CEACAM3: variants seen among roughly 807,000 people sequenced by gnomAD.
CEACAM3 encodes the protein cell adhesion molecule CEACAM3.
In CEACAM3, 32 loss-of-function variants were observed where a neutral mutation model predicts 30.1. That is an observed-to-expected ratio of 1.06 (90% confidence interval 0.80 to 1.43). The LOEUF (loss-of-function observed/expected upper bound fraction) is 1.43, where lower values mean the gene tolerates loss of function less well. Among genes scored for constraint, CEACAM3 ranks in the 40% most tolerant of loss-of-function variants. The probability of loss-of-function intolerance (pLI) is 0.00; values close to 1 mark genes in which losing one functional copy is unlikely to be tolerated. For synonymous variants in CEACAM3, 134 were observed against 127.2 expected, an observed-to-expected ratio of 1.05 and a Z score of -0.36; for missense variants, 290 against 316.3, an observed-to-expected ratio of 0.92 and a Z score of 0.63.
rs782090300 is a variant in CEACAM3 at position 41,809,809 on chromosome 19, T to G, written c.543-156T>G. The G allele has an allele frequency of 3.1e-5, 22 of 712,800 alleles. No individual in the cohort carries two copies. The Admixed American group carries it at 4.2e-4, about 13-fold the overall frequency. 44.2% of individuals were successfully genotyped at this position (712,800 alleles called of 1,614,324 possible). On this transcript the variant is annotated intron_variant, in intron 3 of 6. Coordinates refer to ENST00000357396, the MANE Select transcript of CEACAM3 (RefSeq NM_001815.5). ...TGGGTTCCTAAAGCCTTTCCTCAAC[T>G]CCCCTCTGCTGGGCTCCCCCTAACA...
chr19:41,809,673 C>T (rs765909469), intron 3 of CEACAM3: 10 of 327,332 alleles, frequency 3.1e-5, no homozygotes, highest in Non-Finnish European at 4.6e-5. Context: ...GGCAAACCCT[C>T]GTGGTCTGTT....
In CEACAM3 at chr19:41,797,575, T is replaced by C. The variant is rs1555825354; in HGVS notation, c.65-14T>C. On this transcript the variant is annotated splice_polypyrimidine_tract_variant and intron_variant, in intron 1 of 6. Coordinates refer to ENST00000357396, the MANE Select transcript of CEACAM3 (RefSeq NM_001815.5). Reference sequence around the variant, plus strand: ...CATGGGTCCCAATATTGACTGATGCTTTCTCCCTCCTAGCCTCACTTCTAA... The same window carrying C: ...CATGGGTCCCAATATTGACTGATGCCTTCTCCCTCCTAGCCTCACTTCTAA... The C allele has an allele frequency of 6.2e-7, 1 of 1,607,026 alleles. No homozygotes were observed. Among genetic ancestry groups the C allele is most frequent in the East Asian group, 2.2e-5 (1 of 44,842 alleles).
Position 41,800,513 on chromosome 19 carries a change from C to G in CEACAM3, c.424+2565C>G, listed in dbSNP as rs568045545. Among the ~76,000 whole-genome samples the G allele has an allele frequency of 1.8e-4, 28 of 152,308 alleles. No individual in the cohort carries two copies. The South Asian group carries it at 5.8e-3, about 32-fold the overall frequency. On this transcript the variant is annotated intron_variant, in intron 2 of 6. Transcript: ENST00000357396. ...AGGTCCACTCGCAGTTATCCGGAGG[C>G]CTAACCGTCTCCCTATGATGCTGTG...
At position 41,796,694 on chromosome 19, in the gene CEACAM3, C is replaced by G. The variant is rs782436703; in HGVS notation, c.17C>G (p.Ala6Gly). ...GCAGAGACCATGGGGCCCCCCTCAG[C>G]CTCTCCCCACAGAGAATGCATCCCC... MGPPS[A>G]SPHRECIPWQ... The change falls in exon 1 of 7, where the codon GCC (alanine) becomes GGC (glycine). Residue 6 changes from alanine to glycine, a missense_variant. Coordinates refer to ENST00000357396, the MANE Select transcript of CEACAM3 (RefSeq NM_001815.5). 3 of 1,614,086 alleles carry G rather than the reference C, an allele frequency of 1.9e-6. No homozygotes were observed. In the South Asian group the frequency reaches 3.3e-5, roughly 18 times the overall value.
chr19:41,796,768 C>G, intron 1 of CEACAM3, 27 bp downstream of exon 1: 1 of 1,601,058 alleles, frequency 6.2e-7, no homozygotes, highest in Non-Finnish European at 8.5e-7. Context: ...TGGGAGTGGG[C>G]AAGAGGAGGG....
At chr19:41,811,014 G>A in intron 6 of CEACAM3, 117 bp downstream of exon 6, 2 of 1,277,784 alleles carry the variant, frequency 1.6e-6, no homozygotes, top group Non-Finnish European at 1.1e-6. Flanking sequence ...TAAGAACGGG[G>A]GTGGCGAGCA....
rs782589279 is a variant in CEACAM3, at chr19:41,797,563, A to G, written c.65-26A>G. The G allele has an allele frequency of 1.4e-5, 22 of 1,599,932 alleles. No homozygotes were observed. The South Asian group carries it at 2.5e-4, about 18-fold the overall frequency. On this transcript the variant is annotated intron_variant, in intron 1 of 6. Coordinates refer to ENST00000357396, the MANE Select transcript of CEACAM3 (RefSeq NM_001815.5). ...TCCATCCCAATACATGGGTCCCAAT[A>G]TTGACTGATGCTTTCTCCCTCCTAG...
At chr19:41,803,475 T>TTTGTTTG (rs1568740552) in intron 2 of CEACAM3, among the ~76,000 whole-genome samples, 6 of 145,412 alleles carry the variant, frequency 4.1e-5, no homozygotes, top group Admixed American at 1.4e-4. Flanking sequence ...TGTTTGTTTT[T>TTTGTTTG]TTTTTTTTTG....
At chr19:41,811,092 G>A in intron 6 of CEACAM3, 80 bp from the exon 7 acceptor site, 1 of 1,508,908 alleles carries the variant, frequency 6.6e-7, no homozygotes. Context: ...AGCAGCCCTG[G>A]ATGGGCCCAG....
At position 41,797,775 on chromosome 19, in the gene CEACAM3, T is replaced by C. The variant is rs782454601; in HGVS notation, c.251T>C (p.Ile84Thr). 7 of 1,612,280 alleles carry C rather than the reference T, an allele frequency of 4.3e-6. No individual in the cohort carries two copies. The highest frequency in any genetic ancestry group is 1.1e-5 in the South Asian group (1 of 91,080). Residue 84 changes from isoleucine to threonine, a missense_variant, in exon 2 of 7, where the codon ATA becomes ACA. Coordinates refer to ENST00000357396, the MANE Select transcript of CEACAM3 (RefSeq NM_001815.5). ...AACAGTCTAATTGTAGGATATGTAA[T>C]AGGAACTCAACAAGCTACCCCAGGG... ...DGNSLIVGYV[I>T]GTQQATPGAA...
At position 41,811,554 on chromosome 19, in the gene CEACAM3, A is replaced by C; in HGVS notation, c.*317A>C. 9.7e-6 allele frequency: 3 copies of C among 310,732 alleles called. No individual in the cohort carries two copies. The highest frequency in any genetic ancestry group is 1.8e-5 in the Non-Finnish European group (3 of 162,808). The allele number at this position is 310,732 out of a possible 1,614,324, so 19.2% of individuals were successfully genotyped here. ...CTGAATAAAGGGGACCCTTCCTCTCATTAGCTGTTTTTCTGCTAGTGGGAA... is the reference window on the plus strand; with the variant it reads ...CTGAATAAAGGGGACCCTTCCTCTCCTTAGCTGTTTTTCTGCTAGTGGGAA... On this transcript the variant is annotated 3_prime_UTR_variant, in exon 7 of 7. Transcript: ENST00000357396.
intron 2 of CEACAM3, among the ~76,000 whole-genome samples, chr19:41,800,692 T>C (rs1405918956): frequency 1.3e-5 from 2 of 152,138 alleles, no homozygotes; most frequent in Non-Finnish European, 2.9e-5. Flanking sequence ...CTCCTCTCTC[T>C]CTCTGCCTCA....
chr19:41,802,807 G>A (rs564052752), intron 2 of CEACAM3, among the ~76,000 whole-genome samples: 4 of 152,294 alleles, frequency 2.6e-5, no homozygotes, highest in Admixed American at 6.5e-5. Context: ...GGGGTTTTAT[G>A]GGAGCCTAAC....
chr19:41,805,998 GTTGTTGT>G lies in CEACAM3; in HGVS notation c.425-2806_425-2800del, dbSNP rs398041116. ...AAGTTGGGATTCTACTCTTCCTGTT[GTTGTTGT>G]TTGTTGTTGTTGTTGTTGTTGTTGT... On this transcript the variant is annotated intron_variant, in intron 2 of 6. Transcript: ENST00000357396. Among the ~76,000 whole-genome samples, 27 of 144,014 alleles carry G rather than the reference GTTGTTGT, an allele frequency of 1.9e-4. 1 individual carries two copies. Among genetic ancestry groups the G allele is most frequent in the African/African-American group, 7.1e-4 (27 of 38,108 alleles). 94.5% of individuals were successfully genotyped at this position (144,014 alleles called of 152,430 possible).
chr19:41,801,981 A>C (rs782385397), intron 2 of CEACAM3, among the ~76,000 whole-genome samples: 2 of 152,220 alleles, frequency 1.3e-5, no homozygotes, highest in Non-Finnish European at 2.9e-5. Flanking sequence ...CCTTGCTTCA[A>C]AGTTAAACTA....
At chr19:41,808,964 C>G (rs375765015) in intron 3 of CEACAM3, 34 bp downstream of exon 3, 2 of 1,444,220 alleles carry the variant, frequency 1.4e-6, no homozygotes. Context: ...TCTCCCACCC[C>G]CTAGGCTGAC....
chr19:41,803,435 TG>T (rs2073168883), intron 2 of CEACAM3, among the ~76,000 whole-genome samples: 3 of 141,138 alleles, frequency 2.1e-5, no homozygotes, highest in African/African-American at 7.6e-5. Context: ...TATGTGTGTG[TG>T]TGTGTGTGTG....
chr19:41,805,378 G>A (rs1555826599), intron 2 of CEACAM3, among the ~76,000 whole-genome samples: 4 of 140,264 alleles, frequency 2.9e-5, no homozygotes, highest in East Asian at 4.5e-4. Flanking sequence ...TGCAACCTCC[G>A]CCTCCCAGGT....
Position 41,808,931 on chromosome 19 carries a change from G to C in CEACAM3, c.542+1G>C, listed in dbSNP as rs368228701. ...TCCTGCTCCTTGCCAAAACTGGAAG[G>C]TACCACAGCTTTTTCCCATCCTTCT... On this transcript the variant is annotated splice_donor_variant, in intron 3 of 6. Transcript: ENST00000357396. LOFTEE classifies it high-confidence loss of function. The C allele has an allele frequency of 6.4e-7, 1 of 1,565,972 alleles. No homozygotes were observed. Among genetic ancestry groups the C allele is most frequent in the Non-Finnish European group, 8.6e-7 (1 of 1,156,608 alleles).
Sources: allele counts gnomAD v4.1 joint callset (sites outside exome capture counted in the v4.1 genomes callset), GRCh38; gene constraint gnomAD v4.1.1; transcripts MANE v1.5; gene names NCBI Gene and HGNC (gene_info 2026-07-23, HGNC 2026-07-21).